SH3RF2: variants seen among roughly 807,000 people sequenced by gnomAD.
The protein encoded by SH3RF2 is E3 ubiquitin-protein ligase SH3RF2.
In SH3RF2, 43 loss-of-function variants were observed where a neutral mutation model predicts 59.0. The observed-to-expected ratio is 0.73, with a 90% CI of 0.57 to 0.94. The LOEUF is 0.94. Ranked by LOEUF, SH3RF2 falls within the 40% of genes least tolerant of loss-of-function variation. The pLI, the probability that SH3RF2 is intolerant of heterozygous loss-of-function variation, is 0.00. For synonymous variants in SH3RF2, 391 were observed against 391.5 expected, an observed-to-expected ratio of 1.00 and a Z score of 0.01; for missense variants, 930 against 940.1, an observed-to-expected ratio of 0.99 and a Z score of 0.14.
intron 4 of SH3RF2, among the ~76,000 whole-genome samples, chr5:146,010,606 G>A (rs1760842569): frequency 1.3e-5 from 2 of 152,186 alleles, no homozygotes; most frequent in Admixed American, 1.3e-4. Context: ...TTGTGGTTTT[G>A]ATTTGCATTT....
chr5:146,056,156 G>A lies in SH3RF2; in HGVS notation c.1498G>A (p.Gly500Ser), dbSNP rs748982268. 9.3e-6 allele frequency: 15 copies of A among 1,614,048 alleles called. No individual in the cohort carries two copies. Among genetic ancestry groups the A allele is most frequent in the Admixed American group, 8.3e-5 (5 of 60,002 alleles). ...AIVNPVRSTA[G>S]PGTLGQGSLR... is the part of the protein sequence containing the mutation. ...AGTCAACCCCGTGAGAAGCACAGCC[G>A]GCCCTGGGACTTTAGGACAAGGGTC... is the stretch of plus-strand genomic sequence containing the variant. The change falls in exon 8 of 10, where the codon GGC (glycine) becomes AGC (serine). Residue 500 changes from glycine to serine, a missense_variant. Physicochemically the swap from Gly to Ser is moderately conservative, Grantham distance 56. Coordinates refer to ENST00000359120, the MANE Select transcript of SH3RF2 (RefSeq NM_152550.4).
intron 5 of SH3RF2, among the ~76,000 whole-genome samples, chr5:146,029,894 G>T (rs1373892040): frequency 1.3e-5 from 2 of 152,108 alleles, no homozygotes; most frequent in Non-Finnish European, 2.9e-5. Context: ...CAAGCTTTGG[G>T]ATATGTAATA....
chr5:146,024,698 T>A (rs1761463928), intron 5 of SH3RF2, among the ~76,000 whole-genome samples: 1 of 152,228 alleles, frequency 6.6e-6, no homozygotes, highest in Non-Finnish European at 1.5e-5. Context: ...ATGTTTAGAT[T>A]TTATGATCCA....
chr5:146,031,302 G>A (rs766182777), intron 5 of SH3RF2, among the ~76,000 whole-genome samples: 8 of 152,192 alleles, frequency 5.3e-5, no homozygotes, highest in African/African-American at 9.7e-5. Context: ...CCAGGGTTAA[G>A]CCCAGTTGAG....
chr5:145,958,676 AC>A (rs1758510568), intron 2 of SH3RF2, among the ~76,000 whole-genome samples: 1 of 152,234 alleles, frequency 6.6e-6, no homozygotes, highest in Non-Finnish European at 1.5e-5. Context: ...TTCCAAGGTC[AC>A]CCAGTTTGCA....
intron 2 of SH3RF2, among the ~76,000 whole-genome samples, chr5:145,995,976 G>A (rs1248246995): frequency 6.6e-6 from 1 of 152,126 alleles, no homozygotes; most frequent in Non-Finnish European, 1.5e-5. Context: ...TTATTCCACA[G>A]CATTATGTTA....
At chr5:145,972,002 T>C (rs1759103076) in intron 2 of SH3RF2, among the ~76,000 whole-genome samples, 1 of 152,164 alleles carries the variant, frequency 6.6e-6, no homozygotes, top group Admixed American at 6.5e-5. Flanking sequence ...TTGATGTTAT[T>C]ATCATTCCCA....
At chr5:146,007,606 G>C (rs1760701021) in intron 4 of SH3RF2, among the ~76,000 whole-genome samples, 1 of 152,116 alleles carries the variant, frequency 6.6e-6, no homozygotes, top group African/African-American at 2.4e-5. Flanking sequence ...CTGGGCTGGG[G>C]GGGAAGGCAC....
rs1273761688 is a variant in SH3RF2 at position 145,963,822 on chromosome 5, CTTTT to C, written c.378+25519_378+25522del. ...ATAGTTTTTCTTTCTTTCTTTCTTTCTTTTTTGTTTTTTTTTTTTTTCTTTTTTG... is the reference window on the plus strand; with the variant it reads ...ATAGTTTTTCTTTCTTTCTTTCTTTCTTGTTTTTTTTTTTTTTCTTTTTTG... On this transcript the variant is annotated intron_variant, in intron 2 of 9. Transcript: ENST00000359120. Among the ~76,000 whole-genome samples, 8 of 148,872 alleles carry C rather than the reference CTTTT, an allele frequency of 5.4e-5. No homozygotes were observed. In the East Asian group the frequency reaches 1.4e-3, roughly 26 times the overall value.
chr5:145,944,138 C>T (rs59748146), intron 2 of SH3RF2, among the ~76,000 whole-genome samples: 7,228 of 152,148 alleles, frequency 0.048, 543 homozygotes, highest in African/African-American at 0.17. Flanking sequence ...AAATCCAACA[C>T]TTTTTGAGTG....
intron 2 of SH3RF2, among the ~76,000 whole-genome samples, chr5:145,957,224 T>C (rs1424337643): frequency 6.6e-6 from 1 of 152,208 alleles, no homozygotes; most frequent in African/African-American, 2.4e-5. Flanking sequence ...GCATTGATCT[T>C]GAATTACAAA....
chr5:145,964,297 TTCC>T (rs1561713105), intron 2 of SH3RF2, among the ~76,000 whole-genome samples: 3 of 139,540 alleles, frequency 2.1e-5, no homozygotes, highest in African/African-American at 8.5e-5. Flanking sequence ...CCTTCCTTCC[TTCC>T]TTCCTTTCTT....
intron 9 of SH3RF2, among the ~76,000 whole-genome samples, chr5:146,060,999 TCGCCATCACCAC>T (rs1420490168): frequency 6.6e-6 from 1 of 152,142 alleles, no homozygotes; most frequent in Non-Finnish European, 1.5e-5. Context: ...CATCACATCA[TCGCCATCACCAC>T]CTCCATCACC....
At chr5:146,010,671 TG>T (rs1326299252) in intron 4 of SH3RF2, among the ~76,000 whole-genome samples, 4 of 152,260 alleles carry the variant, frequency 2.6e-5, no homozygotes, top group African/African-American at 9.6e-5. Flanking sequence ...GCTGCATAAA[TG>T]TCTTCTTTTG....
At chr5:146,032,713 T>G (rs1009695099) in intron 5 of SH3RF2, among the ~76,000 whole-genome samples, 2 of 152,146 alleles carry the variant, frequency 1.3e-5, no homozygotes, top group Non-Finnish European at 2.9e-5. Context: ...CTTGGGAAAG[T>G]TAGACAAGTG....
chr5:146,070,289 G>A (rs186057531), intron 9 of SH3RF2, among the ~76,000 whole-genome samples: 127 of 152,252 alleles, frequency 8.3e-4, no homozygotes, highest in African/African-American at 2.7e-3. Context: ...GAGATGTGCC[G>A]CTGAGTTTGC....
chr5:146,037,428 A>G (rs575726055), intron 5 of SH3RF2, among the ~76,000 whole-genome samples: 10 of 152,282 alleles, frequency 6.6e-5, no homozygotes, highest in Admixed American at 4.6e-4. Context: ...CTTTTAAGTA[A>G]GGCACTGGGA....
chr5:146,048,535 A>G (rs1762383314), intron 6 of SH3RF2, among the ~76,000 whole-genome samples: 1 of 152,152 alleles, frequency 6.6e-6, no homozygotes, highest in South Asian at 2.1e-4. Context: ...GAAAGAAAAA[A>G]CAAAACAAAA....
intron 2 of SH3RF2, among the ~76,000 whole-genome samples, chr5:145,980,066 C>T (rs541184147): frequency 1.3e-5 from 2 of 152,250 alleles, no homozygotes; most frequent in East Asian, 1.9e-4. Context: ...ACTTCTGAAA[C>T]GTGCCCTACT....
Sources: gnomAD v4.1 joint callset for allele counts (sites outside exome capture counted in the v4.1 genomes callset) on GRCh38, gnomAD v4.1.1 for gene constraint, MANE v1.5 for transcripts, NCBI Gene and HGNC (gene_info 2026-07-23, HGNC 2026-07-21) for gene names.